Variants in CTNND2 observed in about 807,000 individuals in gnomAD.
CTNND2 encodes catenin delta 2, also known as catenin delta-2.
A neutral mutation model predicts 144.4 loss-of-function variants in CTNND2; 22 were observed. The ratio of observed to expected loss-of-function variants is 0.15; its 90% CI spans 0.11 to 0.22. The LOEUF (loss-of-function observed/expected upper bound fraction) is 0.22. Among genes scored for constraint, CTNND2 ranks in the 10% least tolerant of loss-of-function variants. The pLI, the probability that CTNND2 is intolerant of heterozygous loss-of-function variation, is 1.00. For missense variants in CTNND2, 1,353 were observed against 1,618.8 expected (o/e 0.84, Z 2.82); for synonymous variants, 751 against 695.6 (o/e 1.08, Z -1.25).
chr5:11,564,956 A>T lies in CTNND2; in HGVS notation c.275T>A (p.Met92Lys). Residue 92 changes from methionine (M) to lysine (K), a missense_variant, in exon 3 of 22, where the codon ATG becomes AAG. Coordinates refer to ENST00000304623, the MANE Select transcript of CTNND2 (RefSeq NM_001332.4). Reference sequence around the variant, plus strand: ...GCGGCGCTAGTACCTCATGCTGCTCATGCTGCCAGTCTCGGATCCGAGCTT... The same window carrying T: ...GCGGCGCTAGTACCTCATGCTGCTCTTGCTGCCAGTCTCGGATCCGAGCTT... ...RCKLGSETGS[M>K]SSMSSAEEQF... 3.1e-6 allele frequency: 5 copies of T among 1,613,596 alleles called. No homozygotes were observed. The highest frequency in any genetic ancestry group is 4.2e-6 in the Non-Finnish European group (5 of 1,179,530).
chr5:11,202,853 G>T (rs1221963784), intron 10 of CTNND2, among the ~76,000 whole-genome samples: 1 of 151,852 alleles, frequency 6.6e-6, no homozygotes, highest in Non-Finnish European at 1.5e-5. Flanking sequence ...TGCCCAGGCT[G>T]GAGTGCAATG....
intron 10 of CTNND2, among the ~76,000 whole-genome samples, chr5:11,225,642 A>G (rs1409916540): frequency 6.6e-6 from 1 of 152,148 alleles, no homozygotes; most frequent in Non-Finnish European, 1.5e-5. Context: ...TATTAATAAT[A>G]AGGCACTGGC....
In CTNND2 at chr5:11,364,812, T is replaced by A; in HGVS notation, c.1256A>T (p.His419Leu). 1 of 1,613,814 alleles carries A rather than the reference T, an allele frequency of 6.2e-7. No individual in the cohort carries two copies. Among genetic ancestry groups the A allele is most frequent in the Non-Finnish European group, 8.5e-7 (1 of 1,179,858 alleles). ...ELRALQSPEHHIDPIYEDRVY... is the reference protein window; with the variant it reads ...ELRALQSPEHLIDPIYEDRVY... ...GCGGTCTTCATAGATGGGATCTATG[T>A]GGTGTTCTGGGGACTGCAGGGCCCG... The change falls in exon 8 of 22, where the codon CAC (histidine) becomes CTC (leucine). Residue 419 changes from histidine to leucine, a missense_variant. His to Leu is a moderately conservative substitution (Grantham distance 99). This residue lies in a region of CTNND2 where 708 missense variants were observed against 706.4 expected (regional missense o/e 1.00). Transcript: ENST00000304623.
chr5:11,450,947 T>C (rs892328098), intron 3 of CTNND2, among the ~76,000 whole-genome samples: 1 of 149,846 alleles, frequency 6.7e-6, no homozygotes, highest in Non-Finnish European at 1.5e-5. Context: ...AGCCATTTTA[T>C]GGGTAGTTTC....
At chr5:11,005,602 T>C (rs1312765180) in intron 18 of CTNND2, among the ~76,000 whole-genome samples, 3 of 151,934 alleles carry the variant, frequency 2.0e-5, no homozygotes, top group Non-Finnish European at 4.4e-5. Context: ...AAGAAGGAAG[T>C]ATTAGTTGGA....
chr5:11,041,656 G>C (rs1744709566), intron 16 of CTNND2, among the ~76,000 whole-genome samples: 1 of 152,098 alleles, frequency 6.6e-6, no homozygotes, highest in Non-Finnish European at 1.5e-5. Flanking sequence ...CTGAGGATAG[G>C]ATGATAGCTA....
intron 1 of CTNND2, among the ~76,000 whole-genome samples, chr5:11,734,391 T>C (rs949547085): frequency 2.6e-5 from 4 of 152,200 alleles, no homozygotes; most frequent in East Asian, 1.9e-4. Flanking sequence ...AATTAAATCA[T>C]AGGGGCAGGT....
chr5:11,421,386 T>A (rs1762351514), intron 3 of CTNND2, among the ~76,000 whole-genome samples: 1 of 152,194 alleles, frequency 6.6e-6, no homozygotes, highest in African/African-American at 2.4e-5. Flanking sequence ...TCATGGCCAC[T>A]GAATACAGCT....
At chr5:11,660,338 G>A (rs1299719098) in intron 2 of CTNND2, among the ~76,000 whole-genome samples, 2 of 152,130 alleles carry the variant, frequency 1.3e-5, no homozygotes, top group Non-Finnish European at 2.9e-5. Context: ...ACTATCAAAA[G>A]TGTTGAGCTT....
chr5:11,904,228 G>C lies in CTNND2; in HGVS notation c.-375C>G, dbSNP rs931490098. ...CGCTCAGCCGGCTGTCGCCGCGGGC[G>C]CGAGCCTGGGGCCGCCGCGGCGCCC... On this transcript the variant is annotated 5_prime_UTR_variant, in exon 1 of 22. Coordinates refer to ENST00000304623, the MANE Select transcript of CTNND2 (RefSeq NM_001332.4). The surrounding 1 kb of genome is among the most constrained non-coding windows in gnomAD (Gnocchi z 4.2). Among the ~76,000 whole-genome samples, 2 of 145,586 alleles carry C rather than the reference G, an allele frequency of 1.4e-5. No individual in the cohort carries two copies. Among genetic ancestry groups the C allele is most frequent in the African/African-American group, 4.9e-5 (2 of 40,712 alleles).
At chr5:11,224,813 A>G (rs543499387) in intron 10 of CTNND2, among the ~76,000 whole-genome samples, 2 of 152,306 alleles carry the variant, frequency 1.3e-5, no homozygotes, top group South Asian at 4.1e-4. Flanking sequence ...ATTATGGATT[A>G]CATGTCCTAT....
chr5:11,237,462 C>T (rs1483361890), intron 9 of CTNND2, among the ~76,000 whole-genome samples: 1 of 152,006 alleles, frequency 6.6e-6, no homozygotes, highest in Non-Finnish European at 1.5e-5. Flanking sequence ...TTTTAATATA[C>T]ACATTTTCAT....
At position 11,618,018 on chromosome 5, in the gene CTNND2, G is replaced by A. The variant is rs562403225; in HGVS notation, c.175-52962C>T. Among the ~76,000 whole-genome samples the A allele has an allele frequency of 5.3e-5, 8 of 152,010 alleles. No individual in the cohort carries two copies. In the South Asian group the frequency reaches 6.2e-4, roughly 12 times the overall value. On this transcript the variant is annotated intron_variant, in intron 2 of 21. Coordinates refer to ENST00000304623, the MANE Select transcript of CTNND2 (RefSeq NM_001332.4). ...AAGTTTTGGCTCCTTTATTTTTCAC[G>A]TATTTAGGACTTTAACAACATGCCC...
chr5:11,485,433 TTC>T (rs1191169550), intron 3 of CTNND2, among the ~76,000 whole-genome samples: 1 of 152,136 alleles, frequency 6.6e-6, no homozygotes, highest in Non-Finnish European at 1.5e-5. Flanking sequence ...TCTATTTTAA[TTC>T]TTTTTCTACT....
At chr5:11,861,448 A>G (rs189336350) in intron 1 of CTNND2, among the ~76,000 whole-genome samples, 15 of 152,288 alleles carry the variant, frequency 9.8e-5, no homozygotes, top group African/African-American at 3.6e-4. Context: ...TCTTTTATCC[A>G]GCTATTTCTT....
At chr5:11,723,682 A>G (rs1000468754) in intron 2 of CTNND2, among the ~76,000 whole-genome samples, 3 of 152,214 alleles carry the variant, frequency 2.0e-5, no homozygotes, top group African/African-American at 4.8e-5. Flanking sequence ...GCACTGCTCC[A>G]AGAGCTGGTG....
intron 16 of CTNND2, among the ~76,000 whole-genome samples, chr5:11,081,551 C>A (rs1363169073): frequency 6.6e-6 from 1 of 152,198 alleles, no homozygotes; most frequent in Non-Finnish European, 1.5e-5. Flanking sequence ...ATTGGAGCAT[C>A]ATGTTGGCAC....
intron 9 of CTNND2, among the ~76,000 whole-genome samples, chr5:11,243,224 G>A (rs1742640431): frequency 6.6e-6 from 1 of 152,220 alleles, no homozygotes; most frequent in Admixed American, 6.5e-5. Flanking sequence ...GTGTGCTAGA[G>A]TGGGAAATGG....
intron 3 of CTNND2, among the ~76,000 whole-genome samples, chr5:11,507,010 A>G (rs1771118689): frequency 6.6e-6 from 1 of 152,178 alleles, no homozygotes; most frequent in Non-Finnish European, 1.5e-5. Context: ...GTACTCTCCC[A>G]AATCTACATA....
Sources: gnomAD v4.1 joint callset for allele counts (sites outside exome capture counted in the v4.1 genomes callset) on GRCh38, gnomAD v4.1.1 for gene constraint, gnomAD v4.1.1 regional missense constraint, Gnocchi (gnomAD v3.1) non-coding constraint, MANE v1.5 for transcripts, NCBI Gene and HGNC (gene_info 2026-07-23, HGNC 2026-07-21) for gene names.